DCC: variants seen among roughly 807,000 people sequenced by gnomAD.
DCC encodes the protein netrin receptor DCC.
A neutral mutation model predicts 172.5 loss-of-function variants in DCC; 58 were observed. That is an observed-to-expected ratio of 0.34 (90% CI 0.27 to 0.42). DCC has a LOEUF of 0.42. DCC is among the 10% of genes least tolerant of loss of function. DCC has a pLI of 1.00. For missense variants in DCC, 1,740 were observed against 1,791.0 expected, an observed-to-expected ratio of 0.97 and a Z score of 0.51; for synonymous variants, 709 against 644.5, an observed-to-expected ratio of 1.10 and a Z score of -1.52.
intron 2 of DCC, among the ~76,000 whole-genome samples, chr18:52,897,555 G>T (rs901392876): frequency 6.6e-6 from 1 of 152,258 alleles, no homozygotes; most frequent in Middle Eastern, 3.4e-3. Flanking sequence ...ACATCCACAG[G>T]AATGTAGAAA....
chr18:53,305,061 C>G (rs909727372), intron 12 of DCC, among the ~76,000 whole-genome samples: 8 of 152,146 alleles, frequency 5.3e-5, no homozygotes, highest in African/African-American at 1.9e-4. Flanking sequence ...TGCCTGCTGC[C>G]ATGTAAGACA....
intron 26 of DCC, among the ~76,000 whole-genome samples, chr18:53,488,365 A>G (rs985488454): frequency 1.3e-5 from 2 of 151,738 alleles, no homozygotes; most frequent in African/African-American, 4.8e-5. Flanking sequence ...ATGGAGCTAG[A>G]CTCTATTTAT....
chr18:52,969,514 C>CT (rs1230046944), intron 5 of DCC, among the ~76,000 whole-genome samples: 1 of 151,614 alleles, frequency 6.6e-6, no homozygotes. Flanking sequence ...TCCCTAGAAC[C>CT]TACTTAGTTG....
intron 1 of DCC, among the ~76,000 whole-genome samples, chr18:52,750,760 T>A (rs926946421): frequency 3.9e-5 from 6 of 152,154 alleles, no homozygotes; most frequent in Non-Finnish European, 8.8e-5. Flanking sequence ...TAACCCCTTA[T>A]GAGAATATGG....
intron 1 of DCC, among the ~76,000 whole-genome samples, chr18:52,527,561 G>A (rs2032020459): frequency 6.6e-6 from 1 of 152,106 alleles, no homozygotes; most frequent in African/African-American, 2.4e-5. Flanking sequence ...AGAGTTCAGT[G>A]GTTGCTAAAT....
At chr18:52,525,983 T>C (rs995755124) in intron 1 of DCC, among the ~76,000 whole-genome samples, 1 of 152,226 alleles carries the variant, frequency 6.6e-6, no homozygotes, top group Admixed American at 6.5e-5. Flanking sequence ...TAACTAATGA[T>C]ATTCTTACAT....
chr18:52,914,203 A>T (rs889274811), intron 3 of DCC, among the ~76,000 whole-genome samples: 31 of 40,274 alleles, frequency 7.7e-4, no homozygotes, highest in Non-Finnish European at 1.5e-3. Context: ...CTGCAAAATT[A>T]AAAAAAAAAT....
At chr18:52,654,343 A>G (rs1054779580) in intron 1 of DCC, among the ~76,000 whole-genome samples, 10 of 152,160 alleles carry the variant, frequency 6.6e-5, no homozygotes, top group African/African-American at 1.9e-4. Context: ...ATTGAACAAG[A>G]TAATTGCAGC....
chr18:52,961,675 T>G (rs1251268860), intron 5 of DCC, among the ~76,000 whole-genome samples: 3 of 152,184 alleles, frequency 2.0e-5, no homozygotes, highest in Non-Finnish European at 4.4e-5. Context: ...CAAAAATGTT[T>G]GTAAAATTTG....
intron 2 of DCC, among the ~76,000 whole-genome samples, chr18:52,847,548 T>C (rs2038913515): frequency 6.6e-6 from 1 of 152,236 alleles, no homozygotes; most frequent in Non-Finnish European, 1.5e-5. Flanking sequence ...ACTTTGCATC[T>C]GCTAGCCAAA....
chr18:53,386,553 C>T (rs911984735), intron 16 of DCC, among the ~76,000 whole-genome samples: 1 of 152,150 alleles, frequency 6.6e-6, no homozygotes, highest in Non-Finnish European at 1.5e-5. Context: ...TGCTTCTCCA[C>T]ACAGGGTCTT....
chr18:52,460,430 T>C (rs1988595635), intron 1 of DCC, among the ~76,000 whole-genome samples: 2 of 152,204 alleles, frequency 1.3e-5, no homozygotes, highest in Non-Finnish European at 2.9e-5. Flanking sequence ...GATAGTAAAC[T>C]CTTCTGGTCC....
intron 2 of DCC, among the ~76,000 whole-genome samples, chr18:52,875,195 A>G (rs2039384802): frequency 6.6e-6 from 1 of 151,584 alleles, no homozygotes; most frequent in Non-Finnish European, 1.5e-5. Context: ...TCAAAACAAT[A>G]TAATAAACAA....
chr18:52,920,390 T>G (rs1184112331), intron 3 of DCC, among the ~76,000 whole-genome samples: 1 of 152,074 alleles, frequency 6.6e-6, no homozygotes, highest in African/African-American at 2.4e-5. Context: ...ATAAAAGATC[T>G]GAACAGACAC....
At chr18:52,783,361 T>A (rs12956314) in intron 2 of DCC, among the ~76,000 whole-genome samples, 6,005 of 107,862 alleles carry the variant, frequency 0.056, 292 homozygotes, top group South Asian at 0.17. Context: ...TTTTTTTTTT[T>A]ACAACACAAA....
At chr18:53,275,744 T>A (rs2056798357) in intron 12 of DCC, among the ~76,000 whole-genome samples, 1 of 152,160 alleles carries the variant, frequency 6.6e-6, no homozygotes, top group African/African-American at 2.4e-5. Flanking sequence ...AGGTCTGGTT[T>A]TTTGAGAGCT....
At chr18:53,133,015 G>A (rs2043681514) in intron 7 of DCC, among the ~76,000 whole-genome samples, 1 of 152,178 alleles carries the variant, frequency 6.6e-6, no homozygotes, top group South Asian at 2.1e-4. Context: ...CCATAAGTAA[G>A]AATCTTGTTA....
intron 1 of DCC, among the ~76,000 whole-genome samples, chr18:52,418,474 C>T (rs948999377): frequency 3.9e-5 from 6 of 152,148 alleles, no homozygotes; most frequent in African/African-American, 1.4e-4. Flanking sequence ...AAAAGGTTTG[C>T]AATGGCCAAC....
At chr18:52,755,166 T>C (rs2037059163) in intron 2 of DCC, among the ~76,000 whole-genome samples, 1 of 152,222 alleles carries the variant, frequency 6.6e-6, no homozygotes, top group Non-Finnish European at 1.5e-5. Context: ...ATTTCTGGCC[T>C]CATAGATCCC....
Sources: allele counts gnomAD v4.1 joint callset (sites outside exome capture counted in the v4.1 genomes callset), GRCh38; gene constraint gnomAD v4.1.1; transcripts MANE v1.5; gene names NCBI Gene and HGNC (gene_info 2026-07-23, HGNC 2026-07-21).